TTLL1: variants seen among roughly 807,000 people sequenced by gnomAD.
TTLL1 encodes polyglutamylase complex subunit TTLL1.
In TTLL1, 33 loss-of-function variants were observed where a neutral mutation model predicts 47.8. The ratio of observed to expected loss-of-function variants is 0.69; its 90% CI spans 0.52 to 0.92. The LOEUF (loss-of-function observed/expected upper bound fraction) is 0.92. Ranked by LOEUF, TTLL1 falls within the 40% of genes least tolerant of loss-of-function variation. The pLI, the probability that TTLL1 is intolerant of heterozygous loss-of-function variation, is 0.00. For missense variants in TTLL1, 488 were observed against 547.5 expected (o/e 0.89, Z 1.08); for synonymous variants, 225 against 214.1 (o/e 1.05, Z -0.45).
intron 10 of TTLL1, among the ~76,000 whole-genome samples, chr22:43,044,965 C>A (rs1164370588): frequency 6.6e-6 from 1 of 151,762 alleles, no homozygotes; most frequent in Non-Finnish European, 1.5e-5. Flanking sequence ...CGGGTTCAAG[C>A]GATTCTCCTG....
At chr22:43,055,531 A>G (rs1462372434) in intron 8 of TTLL1, among the ~76,000 whole-genome samples, 1 of 151,994 alleles carries the variant, frequency 6.6e-6, no homozygotes, top group East Asian at 1.9e-4. Flanking sequence ...AGAGTCTCGC[A>G]TGTTGCCCAG....
chr22:43,089,243 CCGGGAGGCGGCG>C (rs1267229293), intron 1 of TTLL1, 22 bp downstream of exon 1: 1 of 152,396 alleles, frequency 6.6e-6, no homozygotes, highest in East Asian at 1.9e-4. Flanking sequence ...CCCTCGGTGC[CCGGGAGGCGGCG>C]GCCTGGGGGA....
intron 4 of TTLL1, among the ~76,000 whole-genome samples, chr22:43,068,869 G>A (rs972201946): frequency 2.0e-5 from 3 of 152,160 alleles, no homozygotes; most frequent in African/African-American, 4.8e-5. Flanking sequence ...TTTAGCAGAC[G>A]AGGAAACTGA....
chr22:43,051,804 G>C lies in TTLL1; in HGVS notation c.975C>G (p.Ile325Met), dbSNP rs150946969. 6 of 1,613,962 alleles carry C rather than the reference G, an allele frequency of 3.7e-6. No individual in the cohort carries two copies. The East Asian group carries it at 6.7e-5, about 18-fold the overall frequency. The change falls in exon 9 of 11, where the codon ATC becomes ATG. Residue 325 changes from isoleucine to methionine, a missense_variant. Transcript: ENST00000266254. ...IIDDKLKPWL[I>M]EVNASPSLTS... ...GTGCAGGTGCTCCCGCAGTTACCTC[G>C]ATCAGCCAGGGCTTCAGCTTGTCGT...
chr22:43,065,401 T>G (rs1927663673), intron 5 of TTLL1, among the ~76,000 whole-genome samples: 1 of 151,298 alleles, frequency 6.6e-6, no homozygotes, highest in Middle Eastern at 3.2e-3. Flanking sequence ...ATGATTCTCC[T>G]GCCTCAGCCT....
chr22:43,076,927 C>T (rs915235136), intron 2 of TTLL1, among the ~76,000 whole-genome samples: 10 of 151,658 alleles, frequency 6.6e-5, no homozygotes, highest in African/African-American at 2.4e-4. Flanking sequence ...CAGTAAAACC[C>T]CGTCTCTACT....
intron 10 of TTLL1, among the ~76,000 whole-genome samples, chr22:43,044,422 G>C (rs1925940100): frequency 6.6e-6 from 1 of 152,184 alleles, no homozygotes; most frequent in Non-Finnish European, 1.5e-5. Flanking sequence ...GCAGGGGCAG[G>C]AGGCAGCTAA....
At chr22:43,087,432 G>A (rs190351020) in intron 1 of TTLL1, among the ~76,000 whole-genome samples, 151 of 151,544 alleles carry the variant, frequency 1.0e-3, no homozygotes, top group African/African-American at 3.0e-3. Flanking sequence ...GCTGATGCAC[G>A]AGAATCACTT....
chr22:43,081,846 C>CTTT (rs58743481), intron 1 of TTLL1, among the ~76,000 whole-genome samples: 4 of 56,434 alleles, frequency 7.1e-5, no homozygotes, highest in South Asian at 7.9e-4. Flanking sequence ...CACACCTGGC[C>CTTT]TTTTTTTTTT....
chr22:43,063,106 C>G (rs3884910), intron 7 of TTLL1, among the ~76,000 whole-genome samples: 1 of 152,180 alleles, frequency 6.6e-6, no homozygotes, highest in African/African-American at 2.4e-5. Flanking sequence ...TAAGTTGAGG[C>G]AGGGTACCTC....
At chr22:43,077,909 C>A (rs562813834) in intron 2 of TTLL1, among the ~76,000 whole-genome samples, 1 of 152,202 alleles carries the variant, frequency 6.6e-6, no homozygotes, top group South Asian at 2.1e-4. Context: ...GAGTTTGAGA[C>A]CAGCCTGGGC....
intron 10 of TTLL1, among the ~76,000 whole-genome samples, chr22:43,044,092 C>T (rs1205230640): frequency 1.3e-5 from 2 of 152,114 alleles, no homozygotes; most frequent in Non-Finnish European, 2.9e-5. Flanking sequence ...TCCAACAACC[C>T]TCCTCCCCGA....
Position 43,068,527 on chromosome 22 carries a change from T to C in TTLL1, c.386A>G (p.Lys129Arg). ...CATGATCCAGGTGCTGGACGGGCTC[T>C]TCCGGAACTCCTCTACAAACAGGTT... is the stretch of plus-strand genomic sequence containing the variant. ...DYNLFVEEFR[K>R]SPSSTWIMKP... is the part of the protein sequence containing the mutation. The change falls in exon 5 of 11, where the codon AAG (lysine) becomes AGG (arginine). Residue 129 changes from lysine to arginine, a missense_variant. Physicochemically the swap from Lys to Arg is conservative, Grantham distance 26. Coordinates refer to ENST00000266254, the MANE Select transcript of TTLL1 (RefSeq NM_012263.5). 4 of 1,569,062 alleles carry C rather than the reference T, an allele frequency of 2.5e-6. No individual in the cohort carries two copies. The highest frequency in any genetic ancestry group is 2.6e-6 in the Non-Finnish European group (3 of 1,147,476).
chr22:43,068,422 C>T lies in TTLL1; in HGVS notation c.491G>A (p.Ser164Asn), dbSNP rs746695944. 6.6e-7 allele frequency: 1 copy of T among 1,511,236 alleles called. No homozygotes were observed. Among genetic ancestry groups the T allele is most frequent in the Non-Finnish European group, 9.0e-7 (1 of 1,111,830 alleles). 93.6% of individuals were successfully genotyped at this position (1,511,236 alleles called of 1,614,324 possible). ...LSQIKKWSRDSKTSSFVSQSN... is the reference protein window; with the variant it reads ...LSQIKKWSRDNKTSSFVSQSN... ...TGCCCACACTTACGAAGATGTCTTG[C>T]TGTCCCGGGACCACTTTTTGATCTG... Residue 164 changes from serine (S) to asparagine (N), a missense_variant, in exon 5 of 11, where the codon AGC (serine) becomes AAC (asparagine). Ser to Asn is a conservative substitution (Grantham distance 46). Coordinates refer to ENST00000266254, the MANE Select transcript of TTLL1 (RefSeq NM_012263.5).
At chr22:43,041,924 C>T (rs553022766) in intron 10 of TTLL1, among the ~76,000 whole-genome samples, 17 of 152,218 alleles carry the variant, frequency 1.1e-4, no homozygotes, top group Non-Finnish European at 1.9e-4. Context: ...CTCTGGCTCT[C>T]GAAGGAGAGA....
chr22:43,040,105 G>T, intron 10 of TTLL1, 200 bp from the exon 11 acceptor site: 1 of 602,116 alleles, frequency 1.7e-6, no homozygotes, highest in Non-Finnish European at 2.9e-6. Flanking sequence ...TCGCAGCCCA[G>T]CAAATGCTCC....
In TTLL1 at chr22:43,073,331, AT is replaced by A. The variant is rs1006241961; in HGVS notation, c.113+2142del. Among the ~76,000 whole-genome samples the A allele has an allele frequency of 1.4e-3, 137 of 100,736 alleles. 1 individual carries two copies. The highest frequency in any genetic ancestry group is 4.5e-3 in the African/African-American group (109 of 24,128). The allele number at this position is 100,736 out of a possible 152,430, so 66.1% of individuals were successfully genotyped here. On this transcript the variant is annotated intron_variant, in intron 3 of 10. Transcript: ENST00000266254. ...GTGAGCCACTGCGCCCGGTCTATTT[AT>A]TTATTTATTTATTTATTTATTTATT...
Position 43,042,004 on chromosome 22 carries a change from T to TGG in TTLL1, c.1143-2101_1143-2100dup, listed in dbSNP as rs370891588. ...CCTGGAACTCTGGAATCTGCCTGGG[T>TGG]GGGGGGGGTCCTCCAGGAAGCCTCC... On this transcript the variant is annotated intron_variant, in intron 10 of 10. Transcript: ENST00000266254. 2.0e-5 allele frequency among the ~76,000 whole-genome samples: 3 copies of TGG among 151,664 alleles called. No individual in the cohort carries two copies. The South Asian group carries it at 6.3e-4, about 32-fold the overall frequency.
At chr22:43,057,952 A>AT (rs147174964) in intron 8 of TTLL1, among the ~76,000 whole-genome samples, 2,611 of 121,056 alleles carry the variant, frequency 0.022, 25 homozygotes, top group Middle Eastern at 0.023. Context: ...ATATATATAT[A>AT]TTTTTTTTTT....
Sources: gnomAD v4.1 joint callset for allele counts (sites outside exome capture counted in the v4.1 genomes callset) on GRCh38, gnomAD v4.1.1 for gene constraint, MANE v1.5 for transcripts, NCBI Gene and HGNC (gene_info 2026-07-23, HGNC 2026-07-21) for gene names.